TSC22D1: variants seen among roughly 807,000 people sequenced by gnomAD.
TSC22D1 encodes the protein TSC22 domain family protein 1.
A neutral mutation model predicts 74.2 loss-of-function variants in TSC22D1; 9 were observed. That is an observed-to-expected ratio of 0.12 (90% CI 0.07 to 0.21). The LOEUF is 0.21. Among genes scored for constraint, TSC22D1 ranks in the 10% least tolerant of loss-of-function variants. The pLI is 1.00. For missense variants in TSC22D1, 1,427 were observed against 1,304.7 expected (o/e 1.09, Z -1.44); for synonymous variants, 586 against 492.5 (o/e 1.19, Z -2.51).
At chr13:44,541,869 T>C (rs536026875) in intron 1 of TSC22D1, among the ~76,000 whole-genome samples, 1 of 152,136 alleles carries the variant, frequency 6.6e-6, no homozygotes, top group Non-Finnish European at 1.5e-5. Context: ...TGGAGCTATC[T>C]ACATACATTT....
intron 1 of TSC22D1, among the ~76,000 whole-genome samples, chr13:44,472,695 C>A (rs933656879): frequency 2.0e-5 from 3 of 152,008 alleles, no homozygotes; most frequent in African/African-American, 4.8e-5. Flanking sequence ...ACCCAGCTAC[C>A]CTGGAGGCTG....
intron 1 of TSC22D1, among the ~76,000 whole-genome samples, chr13:44,551,392 GTGTGTGTGT>G (rs1882253681): frequency 3.3e-5 from 2 of 60,706 alleles, no homozygotes; most frequent in Admixed American, 1.4e-4. Flanking sequence ...TCAGATGGGT[GTGTGTGTGT>G]GTGTGTGTGT....
intron 1 of TSC22D1, among the ~76,000 whole-genome samples, chr13:44,499,614 G>A (rs9595141): frequency 0.34 from 51,985 of 151,878 alleles, 9,162 homozygotes; most frequent in Non-Finnish European, 0.39. Context: ...GGCTATTTCT[G>A]CTGGACCCAA....
At chr13:44,525,838 C>T (rs1880522939) in intron 1 of TSC22D1, among the ~76,000 whole-genome samples, 1 of 150,496 alleles carries the variant, frequency 6.6e-6, no homozygotes, top group South Asian at 2.1e-4. Context: ...CAGTGGTTCA[C>T]ACCTGTAATC....
intron 1 of TSC22D1, among the ~76,000 whole-genome samples, chr13:44,521,155 T>C (rs1595134826): frequency 6.6e-6 from 1 of 152,174 alleles, no homozygotes; most frequent in Non-Finnish European, 1.5e-5. Flanking sequence ...ATATTGTCAA[T>C]ACAGATGGAT....
At chr13:44,473,237 G>A (rs1412002812) in intron 1 of TSC22D1, among the ~76,000 whole-genome samples, 1 of 152,214 alleles carries the variant, frequency 6.6e-6, no homozygotes, top group Non-Finnish European at 1.5e-5. Flanking sequence ...GCACAGGCCT[G>A]TAATCCCAGC....
chr13:44,450,231 G>A (rs1049002996), intron 1 of TSC22D1, among the ~76,000 whole-genome samples: 1 of 152,214 alleles, frequency 6.6e-6, no homozygotes, highest in Non-Finnish European at 1.5e-5. Flanking sequence ...AGCATGCTGA[G>A]TTTGGACACC....
chr13:44,519,175 G>T (rs912118113), intron 1 of TSC22D1, among the ~76,000 whole-genome samples: 1 of 152,122 alleles, frequency 6.6e-6, no homozygotes, highest in African/African-American at 2.4e-5. Flanking sequence ...CAATATCATT[G>T]TGATCTTATC....
At chr13:44,493,241 T>C (rs1170040627) in intron 1 of TSC22D1, among the ~76,000 whole-genome samples, 4 of 152,186 alleles carry the variant, frequency 2.6e-5, no homozygotes, top group Non-Finnish European at 4.4e-5. Flanking sequence ...AGTGACAATC[T>C]TGACAATGGC....
intron 1 of TSC22D1, among the ~76,000 whole-genome samples, chr13:44,500,095 G>GAAAAAA (rs751648270): frequency 5.8e-5 from 4 of 68,790 alleles, no homozygotes; most frequent in Middle Eastern, 9.8e-3. Flanking sequence ...TCTCAAAAAA[G>GAAAAAA]AAAAAAAAAA....
At chr13:44,447,775 A>G (rs1875799851) in intron 1 of TSC22D1, among the ~76,000 whole-genome samples, 1 of 151,158 alleles carries the variant, frequency 6.6e-6, no homozygotes, top group South Asian at 2.1e-4. Context: ...CACCTTATTT[A>G]GCATAACTAC....
chr13:44,546,866 T>C (rs780375568), intron 1 of TSC22D1, among the ~76,000 whole-genome samples: 5 of 152,054 alleles, frequency 3.3e-5, no homozygotes, highest in Non-Finnish European at 5.9e-5. Flanking sequence ...TCCACTTCCC[T>C]GACGAGCGAA....
At chr13:44,511,914 T>C (rs1879741917) in intron 1 of TSC22D1, among the ~76,000 whole-genome samples, 1 of 152,164 alleles carries the variant, frequency 6.6e-6, no homozygotes, top group African/African-American at 2.4e-5. Flanking sequence ...AGGGCAGAAT[T>C]AGGATCTTCC....
At chr13:44,459,630 A>G (rs1051722177) in intron 1 of TSC22D1, among the ~76,000 whole-genome samples, 6 of 152,194 alleles carry the variant, frequency 3.9e-5, no homozygotes, top group Admixed American at 3.9e-4. Flanking sequence ...GCAGCCCTTC[A>G]GGAAGCCCAG....
intron 1 of TSC22D1, among the ~76,000 whole-genome samples, chr13:44,530,115 C>G (rs541892320): frequency 6.6e-6 from 1 of 151,996 alleles, no homozygotes; most frequent in Non-Finnish European, 1.5e-5. Context: ...CAACACGATA[C>G]CGAAGAACCA....
rs188266164 is a variant in TSC22D1, at chr13:44,526,543, T to A, written c.2912+46620A>T. 1.1e-3 allele frequency among the ~76,000 whole-genome samples: 173 copies of A among 151,630 alleles called. 1 individual carries two copies. Among genetic ancestry groups the A allele is most frequent in the Middle Eastern group, 0.01 (3 of 292 alleles). On this transcript the variant is annotated intron_variant, in intron 1 of 2. Transcript: ENST00000458659. ...AATTTAAAAAGGTAAAATGTATGCA[T>A]AATAGGAATCCAAGACAGAAAAGAA...
intron 1 of TSC22D1, among the ~76,000 whole-genome samples, chr13:44,467,830 T>C (rs942965149): frequency 1.3e-5 from 2 of 152,168 alleles, no homozygotes; most frequent in Non-Finnish European, 1.5e-5. Flanking sequence ...GAAAACAGTA[T>C]GGAGATTTCT....
intron 1 of TSC22D1, among the ~76,000 whole-genome samples, chr13:44,450,576 C>CATTG (rs1876043887): frequency 1.3e-5 from 2 of 152,184 alleles, no homozygotes; most frequent in African/African-American, 4.8e-5. Context: ...GATTCAAAGA[C>CATTG]ATTGCAACAT....
intron 1 of TSC22D1, among the ~76,000 whole-genome samples, chr13:44,465,055 G>A (rs930763786): frequency 9.9e-5 from 15 of 152,262 alleles, no homozygotes; most frequent in South Asian, 2.1e-4. Context: ...GACCCCCACC[G>A]TGTTTTCTTC....
Sources: allele counts gnomAD v4.1 joint callset (sites outside exome capture counted in the v4.1 genomes callset), GRCh38; gene constraint gnomAD v4.1.1; transcripts MANE v1.5; gene names NCBI Gene and HGNC (gene_info 2026-07-23, HGNC 2026-07-21).